RTF2: variants seen among roughly 807,000 people sequenced by gnomAD.
RTF2 encodes the protein replication termination factor 2.
A neutral mutation model predicts 38.0 loss-of-function variants in RTF2; 18 were observed. The observed-to-expected ratio is 0.47, with a 90% CI of 0.33 to 0.70. The LOEUF is 0.70. RTF2 is among the 30% of genes least tolerant of loss of function. The pLI is 0.02. For missense variants in RTF2, 311 were observed against 379.6 expected, an observed-to-expected ratio of 0.82 and a Z score of 1.50; for synonymous variants, 126 against 137.1, an observed-to-expected ratio of 0.92 and a Z score of 0.57.
chr20:56,501,117 G>C (rs927891343), intron 5 of RTF2, among the ~76,000 whole-genome samples: 1 of 152,094 alleles, frequency 6.6e-6, no homozygotes, highest in African/African-American at 2.4e-5. Flanking sequence ...AGCCTTTGGA[G>C]ATCTCACTGC....
In RTF2 at chr20:56,513,355, A is replaced by C. The variant is rs140687107; in HGVS notation, c.518A>C (p.Asn173Thr). ...AFQEDDVIMLNGTKEDVDVLK... is the reference protein window; with the variant it reads ...AFQEDDVIMLTGTKEDVDVLK... ...CAGGAGGATGATGTCATCATGCTCAATGGCACCAAGGAGGATGTGGACGTG... is the reference window on the plus strand; with the variant it reads ...CAGGAGGATGATGTCATCATGCTCACTGGCACCAAGGAGGATGTGGACGTG... Residue 173 changes from asparagine (N) to threonine (T), a missense_variant, in exon 6 of 9, where the codon AAT (asparagine) becomes ACT (threonine). Coordinates refer to ENST00000357348, the MANE Select transcript of RTF2 (RefSeq NM_016407.5). 1 of 1,608,792 alleles carries C rather than the reference A, an allele frequency of 6.2e-7. No individual in the cohort carries two copies. The highest frequency in any genetic ancestry group is 2.2e-5 in the East Asian group (1 of 44,776).
chr20:56,516,431 G>C (rs1173746048), intron 6 of RTF2: 1 of 153,790 alleles, frequency 6.5e-6, no homozygotes, highest in African/African-American at 2.4e-5. Flanking sequence ...TAGCTCAACT[G>C]TCTTTAATAT....
At chr20:56,488,416 T>C (rs193055367) in intron 5 of RTF2, among the ~76,000 whole-genome samples, 10 of 152,264 alleles carry the variant, frequency 6.6e-5, no homozygotes, top group Admixed American at 2.0e-4. Flanking sequence ...GCATTGGACT[T>C]GCTACCTCTG....
At chr20:56,475,422 TTTTC>T (rs1162334764) in intron 3 of RTF2, among the ~76,000 whole-genome samples, 1 of 152,160 alleles carries the variant, frequency 6.6e-6, no homozygotes, top group Non-Finnish European at 1.5e-5. Flanking sequence ...TTTGCCTTCT[TTTTC>T]TTTCTTTCTT....
intron 5 of RTF2, chr20:56,491,672 A>G: frequency 6.4e-7 from 1 of 1,552,240 alleles, no homozygotes; most frequent in South Asian, 1.2e-5. Context: ...TAAGCAGGTA[A>G]CCACAAGCGG....
chr20:56,518,119 A>G lies in RTF2; in HGVS notation c.775A>G (p.Lys259Glu). ...TGAGAGCTCTTCTGGAAAAGCTGGG[A>G]AGCCTCCGTGTGGAGCCACAAAGAG... ...MNESSSGKAG[K>E]PPCGATKRSI... Residue 259 changes from lysine (K) to glutamate (E), a missense_variant, in exon 9 of 9, where the codon AAG (lysine) becomes GAG (glutamate). Transcript: ENST00000357348. The G allele has an allele frequency of 6.2e-7, 1 of 1,613,112 alleles. No homozygotes were observed.
intron 4 of RTF2, 131 bp downstream of exon 4, chr20:56,477,255 A>T: frequency 1.0e-6 from 1 of 990,280 alleles, no homozygotes; most frequent in Non-Finnish European, 1.5e-6. Flanking sequence ...GGCGCCTTGG[A>T]GGAAATGGTG....
At chr20:56,489,864 G>C (rs1331878544) in intron 5 of RTF2, among the ~76,000 whole-genome samples, 1 of 152,260 alleles carries the variant, frequency 6.6e-6, no homozygotes, top group African/African-American at 2.4e-5. Context: ...GCTAATCTGA[G>C]CTTTCTGAAT....
chr20:56,468,974 T>C (rs1037266416), intron 1 of RTF2, among the ~76,000 whole-genome samples: 3 of 152,216 alleles, frequency 2.0e-5, no homozygotes, highest in Non-Finnish European at 4.4e-5. Context: ...ACAGTAATCT[T>C]AACAGGGGGT....
intron 5 of RTF2, chr20:56,496,675 C>G: frequency 6.5e-7 from 1 of 1,543,170 alleles, no homozygotes; most frequent in South Asian, 1.2e-5. Flanking sequence ...TAGTGTTGCT[C>G]TGGGCTGCGG....
At chr20:56,492,862 G>A (rs1164320517) in intron 5 of RTF2, among the ~76,000 whole-genome samples, 1 of 139,882 alleles carries the variant, frequency 7.1e-6, no homozygotes, top group Non-Finnish European at 1.6e-5. Context: ...CCTCACACCA[G>A]CCCAGTAATC....
chr20:56,489,266 A>G (rs889330075), intron 5 of RTF2, among the ~76,000 whole-genome samples: 22 of 147,536 alleles, frequency 1.5e-4, no homozygotes, highest in African/African-American at 4.8e-4. Context: ...GGGTTTCACC[A>G]TATTGGCCAG....
intron 5 of RTF2, among the ~76,000 whole-genome samples, chr20:56,494,676 C>T (rs1399687803): frequency 6.6e-6 from 1 of 152,210 alleles, no homozygotes; most frequent in Non-Finnish European, 1.5e-5. Flanking sequence ...AGGAGGGTGG[C>T]TGTGCACATT....
rs142931525 is a variant in RTF2, at chr20:56,488,027, G to A, written c.477+3838G>A. Among the ~76,000 whole-genome samples, 430 of 152,256 alleles carry A rather than the reference G, an allele frequency of 2.8e-3. 2 individuals are homozygous for A. The highest frequency in any genetic ancestry group is 9.8e-3 in the African/African-American group (409 of 41,542). On this transcript the variant is annotated intron_variant, in intron 5 of 8. Transcript: ENST00000357348. Reference sequence around the variant, plus strand: ...TTCAACATATGGATTTTGCAGGGGGGCATAATTCAACCCATAATACACAAT... The same window carrying A: ...TTCAACATATGGATTTTGCAGGGGGACATAATTCAACCCATAATACACAAT...
intron 5 of RTF2, among the ~76,000 whole-genome samples, chr20:56,488,565 T>G (rs1982914357): frequency 6.6e-6 from 1 of 152,142 alleles, no homozygotes; most frequent in Non-Finnish European, 1.5e-5. Context: ...AAAAGTTAAG[T>G]TAGGGAAAAG....
At chr20:56,470,771 C>T (rs1168353810) in intron 1 of RTF2, 1 of 423,538 alleles carries the variant, frequency 2.4e-6, no homozygotes, top group African/African-American at 2.0e-5. Flanking sequence ...CCATAAAGAT[C>T]CCTGAAGTTG....
At chr20:56,470,934 C>T (rs778802949) in intron 1 of RTF2, 1 of 233,538 alleles carries the variant, frequency 4.3e-6, no homozygotes, top group East Asian at 8.6e-5. Context: ...TGTAATAAAT[C>T]AGCAATGGTA....
At chr20:56,478,717 C>T (rs572931784) in intron 4 of RTF2, among the ~76,000 whole-genome samples, 8 of 152,228 alleles carry the variant, frequency 5.3e-5, no homozygotes, top group African/African-American at 1.7e-4. Context: ...GTTCGGGTGG[C>T]TGTAGCAGTG....
chr20:56,472,382 CAAG>C lies in RTF2; in HGVS notation c.70-916_70-914del, dbSNP rs565666462. ...GCAGTCTACACAGTGAAGGAAAAAA[CAAG>C]AACGGGAAGGAGTGGGACATGGAAT... On this transcript the variant is annotated intron_variant, in intron 1 of 8. Coordinates refer to ENST00000357348, the MANE Select transcript of RTF2 (RefSeq NM_016407.5). 3.7e-4 allele frequency: 573 copies of C among 1,546,874 alleles called. 5 individuals carry two copies. The South Asian group carries it at 6.5e-3, about 18-fold the overall frequency.
Sources: gnomAD v4.1 joint callset for allele counts (sites outside exome capture counted in the v4.1 genomes callset) on GRCh38, gnomAD v4.1.1 for gene constraint, MANE v1.5 for transcripts, NCBI Gene and HGNC (gene_info 2026-07-23, HGNC 2026-07-21) for gene names.